Variants in NIBAN1 observed in about 807,000 individuals in gnomAD.
NIBAN1 encodes the protein niban apoptosis regulator 1.
Under a neutral mutation model 75.1 loss-of-function variants are expected in NIBAN1, and 81 were observed. That is an observed-to-expected ratio of 1.08 (90% CI 0.90 to 1.30). The LOEUF is 1.30. Ranked by LOEUF, NIBAN1 falls within the 50% of genes most tolerant of loss-of-function variation. The pLI, the probability that NIBAN1 is intolerant of heterozygous loss-of-function variation, is 0.00. For synonymous variants in NIBAN1, 436 were observed against 424.8 expected (o/e 1.03, Z -0.32); for missense variants, 1,133 against 1,128.1 (o/e 1.00, Z -0.06).
At chr1:184,867,707 T>C (rs1655994061) in intron 5 of NIBAN1, among the ~76,000 whole-genome samples, 1 of 152,222 alleles carries the variant, frequency 6.6e-6, no homozygotes, top group African/African-American at 2.4e-5. Context: ...ATTCCACTTA[T>C]CCTGGAAAGT....
chr1:184,815,679 T>C (rs1654507057), intron 9 of NIBAN1, among the ~76,000 whole-genome samples: 1 of 152,212 alleles, frequency 6.6e-6, no homozygotes, highest in Admixed American at 6.5e-5. Flanking sequence ...GCCTTATACA[T>C]GAATAGCCTT....
intron 1 of NIBAN1, 66 bp from the exon 2 acceptor site, chr1:184,899,375 C>CA: frequency 6.6e-7 from 1 of 1,522,438 alleles, no homozygotes; most frequent in Admixed American, 1.7e-5. Flanking sequence ...TACAGAGTTC[C>CA]AAAAACCATC....
intron 1 of NIBAN1, among the ~76,000 whole-genome samples, chr1:184,928,724 A>C (rs1657746353): frequency 6.6e-6 from 1 of 152,118 alleles, no homozygotes; most frequent in South Asian, 2.1e-4. Flanking sequence ...TGGTATAGGC[A>C]ATTCAAGACT....
chr1:184,820,400 T>G (rs962507421), intron 8 of NIBAN1, among the ~76,000 whole-genome samples: 1 of 152,170 alleles, frequency 6.6e-6, no homozygotes, highest in African/African-American at 2.4e-5. Flanking sequence ...CCGCCCCCTC[T>G]CTGCACCTTT....
intron 5 of NIBAN1, among the ~76,000 whole-genome samples, chr1:184,839,356 A>C (rs12096400): frequency 3.9e-5 from 6 of 152,300 alleles, no homozygotes; most frequent in Non-Finnish European, 7.4e-5. Flanking sequence ...GATTATCTCA[A>C]ATTATTAGTT....
At chr1:184,878,993 CAG>C (rs1271186076) in intron 5 of NIBAN1, among the ~76,000 whole-genome samples, 1 of 152,084 alleles carries the variant, frequency 6.6e-6, no homozygotes, top group African/African-American at 2.4e-5. Flanking sequence ...CACAAGGAGA[CAG>C]AGAGAAATAT....
intron 6 of NIBAN1, among the ~76,000 whole-genome samples, chr1:184,830,785 G>A (rs1162221373): frequency 5.3e-5 from 8 of 152,076 alleles, no homozygotes; most frequent in Admixed American, 1.3e-4. Context: ...GGGGAATCAC[G>A]AGGTCAGGAG....
At chr1:184,856,230 T>C (rs774765492) in intron 5 of NIBAN1, among the ~76,000 whole-genome samples, 1 of 152,188 alleles carries the variant, frequency 6.6e-6, no homozygotes, top group Non-Finnish European at 1.5e-5. Context: ...ATTTGTTTTA[T>C]AAGTCAGATT....
chr1:184,851,513 G>C (rs573747335), intron 5 of NIBAN1, among the ~76,000 whole-genome samples: 1 of 64,196 alleles, frequency 1.6e-5, no homozygotes, highest in African/African-American at 7.9e-5. Flanking sequence ...TAGCATTGGA[G>C]ATATACCTAA....
intron 1 of NIBAN1, among the ~76,000 whole-genome samples, chr1:184,939,608 G>A (rs1220140121): frequency 1.3e-5 from 2 of 152,176 alleles, no homozygotes; most frequent in Non-Finnish European, 2.9e-5. Flanking sequence ...TAAAGCCCCT[G>A]GATTGCCTGG....
chr1:184,836,358 T>C (rs1312373839), intron 5 of NIBAN1, among the ~76,000 whole-genome samples: 1 of 152,224 alleles, frequency 6.6e-6, no homozygotes, highest in Non-Finnish European at 1.5e-5. Flanking sequence ...TATGGCCAGA[T>C]CTGCAAGCCA....
chr1:184,852,498 A>G (rs1655568543), intron 5 of NIBAN1, among the ~76,000 whole-genome samples: 1 of 152,118 alleles, frequency 6.6e-6, no homozygotes, highest in Admixed American at 6.5e-5. Context: ...GTCTAGTGAG[A>G]ATCAAAACTG....
chr1:184,957,073 A>G (rs1658508956), intron 1 of NIBAN1, among the ~76,000 whole-genome samples: 1 of 152,060 alleles, frequency 6.6e-6, no homozygotes. Context: ...ACCAACAACA[A>G]CACAAAAAGA....
chr1:184,817,133 T>C (rs1280463214), intron 9 of NIBAN1, among the ~76,000 whole-genome samples: 1 of 152,216 alleles, frequency 6.6e-6, no homozygotes, highest in Non-Finnish European at 1.5e-5. Flanking sequence ...TGTTTGGTTT[T>C]CTGTCCTTGT....
rs775090324 is a variant in NIBAN1, at chr1:184,899,321, T to A, written c.56-12A>T. Reference sequence around the variant, plus strand: ...AGCCTCAGTTTTCCCTAGAAAAATATGAAAATTAGAATTCTTAAGTATAGC... The same window carrying A: ...AGCCTCAGTTTTCCCTAGAAAAATAAGAAAATTAGAATTCTTAAGTATAGC... On this transcript the variant is annotated splice_polypyrimidine_tract_variant and intron_variant, in intron 1 of 13. Coordinates refer to ENST00000367511, the MANE Select transcript of NIBAN1 (RefSeq NM_052966.4). 3.1e-6 allele frequency: 5 copies of A among 1,613,184 alleles called. No individual in the cohort carries two copies. In the African/African-American group the frequency reaches 6.7e-5, roughly 22 times the overall value.
intron 10 of NIBAN1, among the ~76,000 whole-genome samples, chr1:184,807,059 T>C (rs338562): frequency 0.38 from 58,102 of 152,046 alleles, 12,912 homozygotes; most frequent in African/African-American, 0.6. Flanking sequence ...CGTGAGCCAC[T>C]GTGCCTGGCC....
chr1:184,810,909 C>T (rs1027396776), intron 9 of NIBAN1, among the ~76,000 whole-genome samples: 2 of 152,212 alleles, frequency 1.3e-5, no homozygotes, highest in African/African-American at 2.4e-5. Context: ...CTCCCAGGAG[C>T]GCTGAGTGAA....
At chr1:184,932,198 G>T (rs777881786) in intron 1 of NIBAN1, among the ~76,000 whole-genome samples, 3 of 152,138 alleles carry the variant, frequency 2.0e-5, no homozygotes, top group Non-Finnish European at 4.4e-5. Flanking sequence ...GTGGCAGATG[G>T]TTTTGGGATG....
In NIBAN1 at chr1:184,809,622, C is replaced by T. The variant is rs988317602; in HGVS notation, c.1174-1387G>A. Reference sequence around the variant, plus strand: ...ATATGTGTGTGTATATATATATATACACATATATATGTGTGTGTGTATATA... The same window carrying T: ...ATATGTGTGTGTATATATATATATATACATATATATGTGTGTGTGTATATA... On this transcript the variant is annotated intron_variant, in intron 9 of 13. Coordinates refer to ENST00000367511, the MANE Select transcript of NIBAN1 (RefSeq NM_052966.4). Among the ~76,000 whole-genome samples, 5 of 148,412 alleles carry T rather than the reference C, an allele frequency of 3.4e-5. No homozygotes were observed. The South Asian group carries it at 8.5e-4, about 25-fold the overall frequency.
Sources: gnomAD v4.1 joint callset for allele counts (sites outside exome capture counted in the v4.1 genomes callset) on GRCh38, gnomAD v4.1.1 for gene constraint, MANE v1.5 for transcripts, NCBI Gene and HGNC (gene_info 2026-07-23, HGNC 2026-07-21) for gene names.